The following TCERG1L variants were observed in gnomAD, a reference collection of about 807,000 sequenced individuals.
TCERG1L encodes transcription elongation regulator 1 like, also known as transcription elongation regulator 1-like protein.
TCERG1L carries 37 observed loss-of-function variants against 56.3 expected under a neutral mutation model. The observed-to-expected ratio is 0.66, with a 90% CI of 0.51 to 0.87. TCERG1L has a LOEUF of 0.87. TCERG1L is among the 40% of genes least tolerant of loss of function. The pLI is 0.00. For missense variants in TCERG1L, 799 were observed against 774.2 expected, an observed-to-expected ratio of 1.03 and a Z score of -0.38; for synonymous variants, 324 against 326.3, an observed-to-expected ratio of 0.99 and a Z score of 0.08.
At chr10:131,212,210 G>T (rs1218162809) in intron 4 of TCERG1L, among the ~76,000 whole-genome samples, 3 of 152,166 alleles carry the variant, frequency 2.0e-5, no homozygotes, top group Non-Finnish European at 4.4e-5. Flanking sequence ...TCTCAACTCA[G>T]ACTCAGACCC....
At chr10:131,227,464 G>C (rs1194651193) in intron 4 of TCERG1L, among the ~76,000 whole-genome samples, 1 of 152,172 alleles carries the variant, frequency 6.6e-6, no homozygotes, top group Admixed American at 6.5e-5. Context: ...AGCTTGGGTG[G>C]GAGAAGAGCC....
chr10:131,269,117 A>T (rs1252595737), intron 3 of TCERG1L, among the ~76,000 whole-genome samples: 1 of 152,226 alleles, frequency 6.6e-6, no homozygotes, highest in Non-Finnish European at 1.5e-5. Flanking sequence ...AAAGTGAAAC[A>T]TGCCACTCTT....
intron 7 of TCERG1L, among the ~76,000 whole-genome samples, chr10:131,139,878 G>C (rs1314680142): frequency 6.6e-6 from 1 of 152,126 alleles, no homozygotes; most frequent in Non-Finnish European, 1.5e-5. Context: ...ATATGCATTT[G>C]TGTGTGTGTC....
In TCERG1L at chr10:131,105,879, C is replaced by T. The variant is rs888792044; in HGVS notation, c.1396-1525G>A. ...TTTGAGGTTGGCCTTGGCGAGCTCC[C>T]GTGGTGGGTTCCCGGCTCCTGTGTG... On this transcript the variant is annotated intron_variant, in intron 9 of 11. Transcript: ENST00000368642. Among the ~76,000 whole-genome samples, 12 of 152,186 alleles carry T rather than the reference C, an allele frequency of 7.9e-5. 1 individual carries two copies. Among genetic ancestry groups the T allele is most frequent in the African/African-American group, 2.4e-4 (10 of 41,434 alleles).
In TCERG1L at chr10:131,221,937, A is replaced by C. The variant is rs1366146195; in HGVS notation, c.856+38322T>G. ...CGAACCTCTAGGTGATGGACGAGGC[A>C]GACTGCAGTCATGAGGCTCTCATTT... On this transcript the variant is annotated intron_variant, in intron 4 of 11. Coordinates refer to ENST00000368642, the MANE Select transcript of TCERG1L (RefSeq NM_174937.4). 6.6e-5 allele frequency among the ~76,000 whole-genome samples: 10 copies of C among 152,348 alleles called. No homozygotes were observed. In the East Asian group the frequency reaches 1.9e-3, roughly 29 times the overall value.
At chr10:131,178,638 C>T (rs895513790) in intron 4 of TCERG1L, among the ~76,000 whole-genome samples, 4 of 152,140 alleles carry the variant, frequency 2.6e-5, no homozygotes, top group African/African-American at 9.7e-5. Flanking sequence ...TGAGGTCTCC[C>T]CAGCACCTGG....
At chr10:131,211,297 C>G (rs1845616982) in intron 4 of TCERG1L, among the ~76,000 whole-genome samples, 1 of 152,220 alleles carries the variant, frequency 6.6e-6, no homozygotes, top group Non-Finnish European at 1.5e-5. Context: ...GAGGCTAGAA[C>G]CGGATCAGAT....
chr10:131,233,496 ACACACACATG>A (rs960567751), intron 4 of TCERG1L, among the ~76,000 whole-genome samples: 1 of 150,972 alleles, frequency 6.6e-6, no homozygotes, highest in Non-Finnish European at 1.5e-5. Context: ...ACGCTCACAC[ACACACACATG>A]CACACACAAA....
Position 131,309,155 on chromosome 10 carries a change from T to C in TCERG1L, c.487A>G (p.Lys163Glu), listed in dbSNP as rs770007661. 17 of 1,609,148 alleles carry C rather than the reference T, an allele frequency of 1.1e-5. No homozygotes were observed. Among genetic ancestry groups the C allele is most frequent in the Non-Finnish European group, 1.4e-5 (17 of 1,178,200 alleles). Residue 163 changes from lysine to glutamate, a missense_variant and splice_region_variant, in exon 2 of 12, where the codon AAG (lysine) becomes GAG (glutamate). By Grantham distance (56) the Lys-to-Glu change is moderately conservative. Coordinates refer to ENST00000368642, the MANE Select transcript of TCERG1L (RefSeq NM_174937.4). ...AATTAAATCACTTGCGTTTTTACCTTACAGTTAGGAATCCTTTTGTCTATC... is the reference window on the plus strand; with the variant it reads ...AATTAAATCACTTGCGTTTTTACCTCACAGTTAGGAATCCTTTTGTCTATC... ...SWIDKRIPNC[K>E]IFFNNSFALD...
At chr10:131,295,066 A>C (rs1333593450) in intron 3 of TCERG1L, among the ~76,000 whole-genome samples, 2 of 152,124 alleles carry the variant, frequency 1.3e-5, no homozygotes, top group Non-Finnish European at 2.9e-5. Context: ...AATGTCACAA[A>C]AGTGGAATAA....
intron 4 of TCERG1L, among the ~76,000 whole-genome samples, chr10:131,183,653 C>T (rs112571497): frequency 2.3e-3 from 357 of 152,302 alleles, no homozygotes; most frequent in African/African-American, 8.2e-3. Flanking sequence ...TATGCACCCG[C>T]TCTCTCTAGA....
Position 131,311,511 on chromosome 10 carries a change from A to G in TCERG1L, c.125T>C (p.Met42Thr). The change falls in exon 1 of 12, where the codon ATG becomes ACG. Residue 42 changes from methionine to threonine, a missense_variant. Coordinates refer to ENST00000368642, the MANE Select transcript of TCERG1L (RefSeq NM_174937.4). The surrounding 1 kb of genome is among the most constrained non-coding windows in gnomAD (Gnocchi z 4.0). Reference sequence around the variant, plus strand: ...GAGCAGCCCGGCCGAGCCCGGCACCATCCAGACCCAGGGCGGCGGCGGCGG... The same window carrying G: ...GAGCAGCCCGGCCGAGCCCGGCACCGTCCAGACCCAGGGCGGCGGCGGCGG... ...EPPPPPPWVW[M>T]VPGSAGLLRL... is the part of the protein sequence containing the mutation. 2.5e-6 allele frequency: 3 copies of G among 1,203,046 alleles called. No individual in the cohort carries two copies. The highest frequency in any genetic ancestry group is 3.1e-6 in the Non-Finnish European group (3 of 966,450). The allele number at this position is 1,203,046 out of a possible 1,614,324, so 74.5% of individuals were successfully genotyped here.
chr10:131,279,367 T>C (rs974699929), intron 3 of TCERG1L, among the ~76,000 whole-genome samples: 7 of 152,164 alleles, frequency 4.6e-5, no homozygotes, highest in African/African-American at 1.4e-4. Flanking sequence ...TTGCCTGCAA[T>C]TGACAGTAAG....
chr10:131,189,176 T>G (rs1245080869), intron 4 of TCERG1L, among the ~76,000 whole-genome samples: 3 of 152,226 alleles, frequency 2.0e-5, no homozygotes, highest in African/African-American at 7.2e-5. Flanking sequence ...CCATTTATTA[T>G]TTTTCCTTTT....
At chr10:131,117,702 A>G (rs935058617) in intron 8 of TCERG1L, among the ~76,000 whole-genome samples, 3 of 152,190 alleles carry the variant, frequency 2.0e-5, no homozygotes, top group Non-Finnish European at 1.5e-5. Context: ...CTTCCGAACC[A>G]CACGGGCAGG....
rs1428367112 is a variant in TCERG1L, at chr10:131,097,140, A to G, written c.1604+1166T>C. 4.1e-5 allele frequency among the ~76,000 whole-genome samples: 6 copies of G among 147,692 alleles called. No homozygotes were observed. The South Asian group carries it at 8.8e-4, about 22-fold the overall frequency. ...TGCTTGAACCCCGGAGGCAAAGGTT[A>G]CAGTGAACCAAGATCGTGCCATTGC... On this transcript the variant is annotated intron_variant, in intron 11 of 11. Coordinates refer to ENST00000368642, the MANE Select transcript of TCERG1L (RefSeq NM_174937.4).
intron 4 of TCERG1L, among the ~76,000 whole-genome samples, chr10:131,246,012 C>T (rs992389371): frequency 4.6e-5 from 7 of 152,094 alleles, no homozygotes; most frequent in Non-Finnish European, 1.0e-4. Flanking sequence ...CCCCAAGTGT[C>T]GGGTCTTCTG....
intron 4 of TCERG1L, among the ~76,000 whole-genome samples, chr10:131,186,908 T>C (rs938070000): frequency 6.6e-6 from 1 of 152,230 alleles, no homozygotes; most frequent in Non-Finnish European, 1.5e-5. Flanking sequence ...GTTAGAATAA[T>C]GGAAGGTGAT....
At chr10:131,182,378 T>C (rs1266494060) in intron 4 of TCERG1L, among the ~76,000 whole-genome samples, 1 of 152,250 alleles carries the variant, frequency 6.6e-6, no homozygotes, top group Admixed American at 6.5e-5. Flanking sequence ...GCTGGGGAGC[T>C]AGCACCGGGA....
Sources: allele counts gnomAD v4.1 joint callset (sites outside exome capture counted in the v4.1 genomes callset), GRCh38; gene constraint gnomAD v4.1.1; non-coding constraint Gnocchi (gnomAD v3.1); transcripts MANE v1.5; gene names NCBI Gene and HGNC (gene_info 2026-07-23, HGNC 2026-07-21).